The following RTL4 variants were observed in gnomAD, a reference collection of about 807,000 sequenced individuals.
RTL4 encodes the protein retrotransposon Gag like 4.
A neutral mutation model predicts 5.3 loss-of-function variants in RTL4; 4 were observed. The ratio of observed to expected loss-of-function variants is 0.75; its 90% confidence interval spans 0.37 to 1.72. The LOEUF is 1.72. Ranked by LOEUF, RTL4 falls within the 40% of genes most tolerant of loss-of-function variation. RTL4 has a pLI of 0.04. For synonymous variants in RTL4, 98 were observed against 87.3 expected (o/e 1.12, Z -0.68); for missense variants, 260 against 227.1 (o/e 1.14, Z -0.93).
At chrX:112,403,400 T>C in the RTL4 span, among the ~76,000 whole-genome samples, 1 of 112,102 alleles carries the variant, frequency 8.9e-6, no homozygotes, top group African/African-American at 3.2e-5. Flanking sequence ...TCACAGATGC[T>C]TCATTAGTGA....
chrX:112,181,013 G>A, the RTL4 span, among the ~76,000 whole-genome samples: 1 of 111,833 alleles, frequency 8.9e-6, no homozygotes, highest in Non-Finnish European at 1.9e-5. Context: ...TAGACAGTGG[G>A]TGCAGCCCAC....
At chrX:112,206,292 T>G in the RTL4 span, among the ~76,000 whole-genome samples, 55 of 111,911 alleles carry the variant, frequency 4.9e-4, no homozygotes, top group Non-Finnish European at 6.4e-4. Flanking sequence ...ATGGCTGTTC[T>G]TATACCTCAA....
chrX:112,192,156 T>G, the RTL4 span, among the ~76,000 whole-genome samples: 2 of 108,493 alleles, frequency 1.8e-5, no homozygotes, highest in African/African-American at 3.3e-5. Flanking sequence ...AGGTTTTTTT[T>G]TGTGGATTCT....
At chrX:112,400,878 C>G in the RTL4 span, among the ~76,000 whole-genome samples, 1 of 111,304 alleles carries the variant, frequency 9.0e-6, no homozygotes, top group Admixed American at 9.5e-5. Context: ...CTTCTGCAAA[C>G]TCAAGCTGCC....
At chrX:112,259,441 G>T in the RTL4 span, among the ~76,000 whole-genome samples, 2 of 109,892 alleles carry the variant, frequency 1.8e-5, no homozygotes. Flanking sequence ...GATAATAATC[G>T]TTGCTAGCTC....
At chrX:112,115,721 T>C in the RTL4 span, among the ~76,000 whole-genome samples, 1 of 111,712 alleles carries the variant, frequency 9.0e-6, no homozygotes, top group Non-Finnish European at 1.9e-5. Context: ...GGAACAGAGT[T>C]CTGAAATTTA....
the RTL4 span, among the ~76,000 whole-genome samples, chrX:112,253,012 T>C: frequency 8.9e-6 from 1 of 111,747 alleles, no homozygotes; most frequent in African/African-American, 3.3e-5. Flanking sequence ...GAGTGGCTAA[T>C]GGTGGAATTT....
chrX:112,395,200 G>C, the RTL4 span, among the ~76,000 whole-genome samples: 491 of 111,436 alleles, frequency 4.4e-3, 1 homozygote, highest in African/African-American at 0.015. Flanking sequence ...CTCACATACA[G>C]AAACCTTTAA....
chrX:112,335,099 G>T, the RTL4 span, among the ~76,000 whole-genome samples: 1 of 111,639 alleles, frequency 9.0e-6, no homozygotes, highest in Non-Finnish European at 1.9e-5. Flanking sequence ...ATAAAACTTC[G>T]CTGTAACTCC....
the RTL4 span, among the ~76,000 whole-genome samples, chrX:112,136,826 G>A: frequency 8.9e-6 from 1 of 111,748 alleles, no homozygotes; most frequent in Non-Finnish European, 1.9e-5. Flanking sequence ...TTTTATGCCA[G>A]TTTTATACCA....
the RTL4 span, among the ~76,000 whole-genome samples, chrX:112,245,124 A>G: frequency 9.0e-6 from 1 of 111,370 alleles, no homozygotes; most frequent in African/African-American, 3.3e-5. Context: ...GGCTGCGCCT[A>G]TCATTTTTTC....
the RTL4 span, among the ~76,000 whole-genome samples, chrX:112,298,936 A>T: frequency 8.9e-6 from 1 of 112,793 alleles, no homozygotes; most frequent in East Asian, 2.8e-4. Flanking sequence ...GCTCTCTTCT[A>T]AGTTGTGTAA....
the RTL4 span, among the ~76,000 whole-genome samples, chrX:112,181,155 C>A: frequency 1.3e-4 from 14 of 111,986 alleles, no homozygotes; most frequent in Non-Finnish European, 2.6e-4. Context: ...TGCCCAGATA[C>A]TACGCTTTTA....
the RTL4 span, among the ~76,000 whole-genome samples, chrX:112,293,878 T>A: frequency 8.9e-6 from 1 of 111,840 alleles, no homozygotes; most frequent in Admixed American, 9.5e-5. Context: ...AGAGTTTTCA[T>A]GTTCCAAAGT....
chrX:112,122,066 T>C, the RTL4 span, among the ~76,000 whole-genome samples: 3 of 111,433 alleles, frequency 2.7e-5, no homozygotes, highest in South Asian at 1.1e-3. Flanking sequence ...TGCCACTAAC[T>C]CCACTTCTAT....
the RTL4 span, among the ~76,000 whole-genome samples, chrX:112,137,816 C>G: frequency 1.8e-5 from 2 of 110,837 alleles, no homozygotes; most frequent in African/African-American, 6.6e-5. Flanking sequence ...ATTGTTCCAG[C>G]CAATATTGAG....
the RTL4 span, among the ~76,000 whole-genome samples, chrX:112,150,513 C>G: frequency 9.0e-6 from 1 of 111,290 alleles, no homozygotes; most frequent in Admixed American, 9.5e-5. Context: ...TTTACCCCTT[C>G]CCTTTAAATC....
chrX:112,169,177 C>T, the RTL4 span, among the ~76,000 whole-genome samples: 6 of 105,765 alleles, frequency 5.7e-5, no homozygotes, highest in African/African-American at 1.0e-4. Flanking sequence ...TGCAATGGTG[C>T]GTTCTCGGCT....
chrX:112,129,576 TG>T, the RTL4 span, among the ~76,000 whole-genome samples: 7 of 112,218 alleles, frequency 6.2e-5, no homozygotes, highest in African/African-American at 1.9e-4. Context: ...AGCCTCAATG[TG>T]TTTGCTTTGA....
Sources: gnomAD v4.1 joint callset for allele counts (sites outside exome capture counted in the v4.1 genomes callset) on GRCh38, gnomAD v4.1.1 for gene constraint, MANE v1.5 for transcripts, NCBI Gene and HGNC (gene_info 2026-07-23, HGNC 2026-07-21) for gene names.